Variants in ENTPD2 observed in about 807,000 individuals in gnomAD.
ENTPD2 encodes the protein CD39 antigen-like 1.
A neutral mutation model predicts 46.8 loss-of-function variants in ENTPD2; 48 were observed. That is an observed-to-expected ratio of 1.03 (90% CI 0.81 to 1.30). The LOEUF is 1.30. Among genes scored for constraint, ENTPD2 ranks in the 50% most tolerant of loss-of-function variants. The pLI is 0.00. For missense variants in ENTPD2, 707 were observed against 651.1 expected, an observed-to-expected ratio of 1.09 and a Z score of -0.93; for synonymous variants, 316 against 286.1, an observed-to-expected ratio of 1.10 and a Z score of -1.06.
In ENTPD2 at chr9:137,050,319, C is replaced by T. The variant is rs760274175; in HGVS notation, c.994G>A (p.Gly332Arg). Reference sequence around the variant, plus strand: ...CCAGCCACTGGGGGCTGGAAGACCCCATTGAAAGAGCATCGGGAGAAGGGG... The same window carrying T: ...CCAGCCACTGGGGGCTGGAAGACCCTATTGAAAGAGCATCGGGAGAAGGGG... ...SCPFSRCSFN[G>R]VFQPPVAGNF... The change falls in exon 6 of 9, where the codon GGG (glycine) becomes AGG (arginine). Residue 332 changes from glycine (G) to arginine (R), a missense_variant. Physicochemically the swap from Gly to Arg is moderately radical, Grantham distance 125. Transcript: ENST00000355097. 3.7e-6 allele frequency: 6 copies of T among 1,611,962 alleles called. 1 individual carries two copies. In the South Asian group the frequency reaches 4.4e-5, roughly 12 times the overall value.
rs202076896 is a variant in ENTPD2, at chr9:137,051,526, C to T, written c.370G>A (p.Gly124Ser). 1.0e-5 allele frequency: 16 copies of T among 1,604,702 alleles called. No homozygotes were observed. The East Asian group carries it at 3.3e-4, about 34-fold the overall frequency. ...GTPLYLGATA[G>S]MRLLNLTNPE... ...CACACTCACTTGAGCAGGCGCATAC[C>T]CGCTGTGGCTCCCAGGTAGAGGGGT... Residue 124 changes from glycine (G) to serine (S), a missense_variant, in exon 3 of 9, where the codon GGT (glycine) becomes AGT (serine). Physicochemically the swap from Gly to Ser is moderately conservative, Grantham distance 56. Coordinates refer to ENST00000355097, the MANE Select transcript of ENTPD2 (RefSeq NM_203468.3).
chr9:137,053,794 C>T (rs960244713), intron 1 of ENTPD2, 87 bp downstream of exon 1: 12 of 919,170 alleles, frequency 1.3e-5, no homozygotes, highest in Non-Finnish European at 1.7e-5. Flanking sequence ...CGGGCTGATC[C>T]TGCTCAGGTT....
Position 137,048,565 on chromosome 9 carries a change from G to A in ENTPD2, c.*92C>T. Reference sequence around the variant, plus strand: ...GTGGGTGGAGGGGTGGGGATACAGGGGTGGGAGGTACAGGGGTTGTGGGAG... The same window carrying A: ...GTGGGTGGAGGGGTGGGGATACAGGAGTGGGAGGTACAGGGGTTGTGGGAG... On this transcript the variant is annotated 3_prime_UTR_variant, in exon 9 of 9. Transcript: ENST00000355097. The A allele has an allele frequency of 9.1e-7, 1 of 1,104,242 alleles. No individual in the cohort carries two copies. Among genetic ancestry groups the A allele is most frequent in the Non-Finnish European group, 1.3e-6 (1 of 787,338 alleles). 68.4% of individuals were successfully genotyped at this position (1,104,242 alleles called of 1,614,324 possible).
chr9:137,050,357 C>T lies in ENTPD2; in HGVS notation c.956G>A (p.Ser319Asn). Residue 319 changes from serine to asparagine, a missense_variant, in exon 6 of 9, where the codon AGC becomes AAC. Ser to Asn is a conservative substitution (Grantham distance 46, BLOSUM62 1). Transcript: ENST00000355097. ...TCGGGAGAAGGGGCAGGAGGAGAAG[C>T]TGAAGAGCCCAGAAACCAGATCTCG... is the stretch of plus-strand genomic sequence containing the variant. ...LCRDLVSGLF[S>N]FSSCPFSRCS... 1.2e-6 allele frequency: 2 copies of T among 1,612,966 alleles called. No homozygotes were observed. Among genetic ancestry groups the T allele is most frequent in the South Asian group, 1.1e-5 (1 of 91,076 alleles).
At position 137,048,425 on chromosome 9, in the gene ENTPD2, A is replaced by G; in HGVS notation, c.*232T>C. 4.1e-6 allele frequency: 2 copies of G among 483,712 alleles called. No homozygotes were observed. The highest frequency in any genetic ancestry group is 7.9e-5 in the East Asian group (2 of 25,164). The allele number at this position is 483,712 out of a possible 1,614,324, so 30.0% of individuals were successfully genotyped here. A position where few individuals can be genotyped will look rare whatever the true frequency, so the allele number is the denominator to read the frequency against. On this transcript the variant is annotated 3_prime_UTR_variant, in exon 9 of 9. Transcript: ENST00000355097. Reference sequence around the variant, plus strand: ...TTCCTGGGCTGCCTTAGGGGCAGAGACGCTGAGGGTGGGGTGGAAGGATGG... The same window carrying G: ...TTCCTGGGCTGCCTTAGGGGCAGAGGCGCTGAGGGTGGGGTGGAAGGATGG...
In ENTPD2 at chr9:137,050,938, G is replaced by A. The variant is rs770820178; in HGVS notation, c.738C>T (p.Asp246=). 1 of 1,612,302 alleles carries A rather than the reference G, an allele frequency of 6.2e-7. No homozygotes were observed. Among genetic ancestry groups the A allele is most frequent in the Non-Finnish European group, 8.5e-7 (1 of 1,180,028 alleles). Residue 246 remains aspartate, a synonymous_variant, in exon 5 of 9, where the codon GAC becomes GAT. Coordinates refer to ENST00000355097, the MANE Select transcript of ENTPD2 (RefSeq NM_203468.3). ...YTHSFLCYGR[D]QVLQRLLASA... is the part of the protein sequence containing the mutation. ...TGGCCAGCAGCCTCTGGAGGACCTG[G>A]TCACGGCCATAGCAGAGGAAGCTGT... is the stretch of plus-strand genomic sequence containing the variant.
rs1832199094 is a variant in ENTPD2, at chr9:137,048,959, G to C, written c.1266C>G (p.Gly422=). 6.9e-7 allele frequency: 1 copy of C among 1,450,240 alleles called. No individual in the cohort carries two copies. Among genetic ancestry groups the C allele is most frequent in the Non-Finnish European group, 9.2e-7 (1 of 1,085,502 alleles). 89.8% of individuals were successfully genotyped at this position (1,450,240 alleles called of 1,614,324 possible). A position where few individuals can be genotyped will look rare whatever the true frequency, so the allele number is the denominator to read the frequency against. The change falls in exon 8 of 9, where the codon GGC becomes GGG. Residue 422 remains glycine (G), a synonymous_variant. Coordinates refer to ENST00000355097, the MANE Select transcript of ENTPD2 (RefSeq NM_203468.3). The part of the protein sequence containing the change: ...GYGFDERAFG[G]VIFQKKAADT... ...AGCCCACCTTCTTCTGGAAGATCAC[G>C]CCGCCGAAGGCGCGCTCGTCGAAGC...
chr9:137,054,004 G>T lies in ENTPD2; in HGVS notation c.-7C>A. The T allele has an allele frequency of 8.3e-7, 1 of 1,206,394 alleles. No homozygotes were observed. The highest frequency in any genetic ancestry group is 3.3e-5 in the East Asian group (1 of 29,900). 74.7% of individuals were successfully genotyped at this position (1,206,394 alleles called of 1,614,324 possible). On this transcript the variant is annotated 5_prime_UTR_variant, in exon 1 of 9. Transcript: ENST00000355097. ...ACCGCACCTTCCCGGCCATGGGCGG[G>T]CGGGCGCGCGGGAGGACGATGCGTG...
chr9:137,048,930 C>G lies in ENTPD2; in HGVS notation c.1284+11G>C, dbSNP rs1832197439. 6.6e-7 allele frequency: 1 copy of G among 1,516,670 alleles called. No homozygotes were observed. The highest frequency in any genetic ancestry group is 8.8e-7 in the Non-Finnish European group (1 of 1,133,706). 94.0% of individuals were successfully genotyped at this position (1,516,670 alleles called of 1,614,324 possible). A position where few individuals can be genotyped will look rare whatever the true frequency, so the allele number is the denominator to read the frequency against. On this transcript the variant is annotated intron_variant, in intron 8 of 8. Transcript: ENST00000355097. ...GCAAGGTCGGCCCCGCCCCGCCCCG[C>G]CCCAGCCCACCTTCTTCTGGAAGAT... is the stretch of plus-strand genomic sequence containing the variant.
At position 137,048,973 on chromosome 9, in the gene ENTPD2, G is replaced by C; in HGVS notation, c.1252C>G (p.Arg418Gly). Residue 418 changes from arginine to glycine, a missense_variant, in exon 8 of 9, where the codon CGC becomes GGC. Transcript: ENST00000355097. ...TGGAAGATCACGCCGCCGAAGGCGC[G>C]CTCGTCGAAGCCGTAGCCGCGACTC... is the stretch of plus-strand genomic sequence containing the variant. ...LLSRGYGFDE[R>G]AFGGVIFQKK... is the part of the protein sequence containing the mutation. 6.5e-7 allele frequency: 1 copy of C among 1,532,780 alleles called. No individual in the cohort carries two copies. Among genetic ancestry groups the C allele is most frequent in the Non-Finnish European group, 8.8e-7 (1 of 1,142,708 alleles). The allele number at this position is 1,532,780 out of a possible 1,614,324, so 94.9% of individuals were successfully genotyped here. A position where few individuals can be genotyped will look rare whatever the true frequency, so the allele number is the denominator to read the frequency against.
intron 2 of ENTPD2, 36 bp from the exon 3 acceptor site, chr9:137,051,696 G>A (rs754683265): frequency 1.9e-5 from 30 of 1,575,950 alleles, no homozygotes; most frequent in Non-Finnish European, 2.3e-5. Flanking sequence ...TATGCCTCAC[G>A]GGCAGCCCCT....
At position 137,048,983 on chromosome 9, in the gene ENTPD2, G is replaced by T; in HGVS notation, c.1242C>A (p.Gly414=). 6.5e-7 allele frequency: 1 copy of T among 1,535,934 alleles called. No individual in the cohort carries two copies. The part of the protein sequence containing the change: ...FVQQLLSRGY[G]FDERAFGGVI... ...CGCCGCCGAAGGCGCGCTCGTCGAA[G>T]CCGTAGCCGCGACTCAGCAGCTGCT... Residue 414 remains glycine (G), a synonymous_variant, in exon 8 of 9, where the codon GGC becomes GGA. Coordinates refer to ENST00000355097, the MANE Select transcript of ENTPD2 (RefSeq NM_203468.3).
chr9:137,049,202 A>G, intron 7 of ENTPD2, 127 bp from the exon 8 acceptor site: 1 of 1,446,954 alleles, frequency 6.9e-7, no homozygotes, highest in Non-Finnish European at 9.4e-7. Context: ...GCCAGAGACC[A>G]CCACACAGGC....
Position 137,048,198 on chromosome 9 carries a change from A to C in ENTPD2, c.*459T>G. The stretch of plus-strand genomic sequence containing the variant: ...CTGTGACCCTCCCCAGTACAGACCC[A>C]GACTACACAGAAGGAGCCTCTAAGG... On this transcript the variant is annotated 3_prime_UTR_variant, in exon 9 of 9. Coordinates refer to ENST00000355097, the MANE Select transcript of ENTPD2 (RefSeq NM_203468.3). The C allele has an allele frequency of 6.1e-6, 1 of 163,536 alleles. No homozygotes were observed. The highest frequency in any genetic ancestry group is 1.3e-5 in the Non-Finnish European group (1 of 74,638). 10.1% of individuals were successfully genotyped at this position (163,536 alleles called of 1,614,324 possible). A position where few individuals can be genotyped will look rare whatever the true frequency, so the allele number is the denominator to read the frequency against.
intron 7 of ENTPD2, 70 bp downstream of exon 7, chr9:137,049,800 C>T (rs1329262119): frequency 1.3e-6 from 2 of 1,532,834 alleles, no homozygotes; most frequent in Non-Finnish European, 1.8e-6. Context: ...CCATGCAGGG[C>T]TGGGGAGGCA....
chr9:137,052,444 T>C (rs1283821826), intron 1 of ENTPD2, 96 bp from the exon 2 acceptor site: 83 of 806,368 alleles, frequency 1.0e-4, no homozygotes, highest in East Asian at 3.2e-4. Flanking sequence ...TTGCCACCGC[T>C]CCCCCCCCCA....
chr9:137,053,966 G>A lies in ENTPD2; in HGVS notation c.32C>T (p.Pro11Leu), dbSNP rs1327416064. The A allele has an allele frequency of 8.2e-7, 1 of 1,222,300 alleles. No individual in the cohort carries two copies. The highest frequency in any genetic ancestry group is 1.0e-6 in the Non-Finnish European group (1 of 982,042). The allele number at this position is 1,222,300 out of a possible 1,614,324, so 75.7% of individuals were successfully genotyped here. Residue 11 changes from proline (P) to leucine (L), a missense_variant, in exon 1 of 9, where the codon CCG (proline) becomes CTG (leucine). Coordinates refer to ENST00000355097, the MANE Select transcript of ENTPD2 (RefSeq NM_203468.3). MAGKVRSLLP[P>L]LLLAAAGLAG... ...GAGGCCCGCGGCGGCCAGCAGCAGCGGCGGCAGCAGTGACCGCACCTTCCC... is the reference window on the plus strand; with the variant it reads ...GAGGCCCGCGGCGGCCAGCAGCAGCAGCGGCAGCAGTGACCGCACCTTCCC...
Position 137,048,855 on chromosome 9 carries a change from C to G in ENTPD2, c.1290G>C (p.Ala430=), listed in dbSNP as rs1231972710. ...CGAGCGCCCAGCCCACTGCAGTGTC[C>G]GCGGCCTGCGGGGAAGGGCGTGGCC... ...FGGVIFQKKA[A]DTAVGWALGY... is the part of the protein sequence containing the mutation. Residue 430 remains alanine, a synonymous_variant, in exon 9 of 9, where the codon GCG becomes GCC. Coordinates refer to ENST00000355097, the MANE Select transcript of ENTPD2 (RefSeq NM_203468.3). The G allele has an allele frequency of 6.5e-7, 1 of 1,536,640 alleles. No homozygotes were observed. Among genetic ancestry groups the G allele is most frequent in the African/African-American group, 1.4e-5 (1 of 72,410 alleles).
At chr9:137,049,616 A>G (rs1379381927) in intron 7 of ENTPD2, 2 of 492,558 alleles carry the variant, frequency 4.1e-6, no homozygotes, top group Non-Finnish European at 3.6e-6. Flanking sequence ...GAAGCCAGAA[A>G]CCTGGGCACC....
Sources: allele counts gnomAD v4.1 joint callset, GRCh38; gene constraint gnomAD v4.1.1; transcripts MANE v1.5; gene names NCBI Gene and HGNC (gene_info 2026-07-23, HGNC 2026-07-21).